ZBTB7C: variants seen among roughly 807,000 people sequenced by gnomAD.
The protein encoded by ZBTB7C is zinc finger and BTB domain-containing protein 7C.
ZBTB7C carries 8 observed loss-of-function variants against 25.7 expected under a neutral mutation model. The ratio of observed to expected loss-of-function variants is 0.31; its 90% CI spans 0.18 to 0.56. The LOEUF (loss-of-function observed/expected upper bound fraction) is 0.56. Among genes scored for constraint, ZBTB7C ranks in the 20% least tolerant of loss-of-function variants. The pLI is 0.91. For missense variants in ZBTB7C, 824 were observed against 855.2 expected (o/e 0.96, Z 0.46); for synonymous variants, 394 against 369.0 (o/e 1.07, Z -0.78).
chr18:48,321,512 G>A (rs2046091878), intron 2 of ZBTB7C, among the ~76,000 whole-genome samples: 1 of 152,156 alleles, frequency 6.6e-6, no homozygotes, highest in African/African-American at 2.4e-5. Context: ...TGATTCTAAG[G>A]CCAGAAAAGC....
intron 2 of ZBTB7C, among the ~76,000 whole-genome samples, chr18:48,293,964 G>A (rs1186805672): frequency 6.6e-6 from 1 of 152,198 alleles, no homozygotes; most frequent in Admixed American, 6.5e-5. Flanking sequence ...AAATGAACAA[G>A]CTGGAGATCA....
intron 3 of ZBTB7C, among the ~76,000 whole-genome samples, chr18:48,116,193 T>G (rs1598907682): frequency 6.6e-6 from 1 of 152,118 alleles, no homozygotes; most frequent in East Asian, 1.9e-4. Context: ...AGTGGGAGAC[T>G]CCTCACTGTG....
chr18:48,166,065 G>A (rs2041234760), intron 3 of ZBTB7C, among the ~76,000 whole-genome samples: 1 of 152,006 alleles, frequency 6.6e-6, no homozygotes, highest in Non-Finnish European at 1.5e-5. Context: ...TTAAATTGTG[G>A]TAAATGTTTA....
chr18:48,231,572 A>G (rs2043252802), intron 2 of ZBTB7C, among the ~76,000 whole-genome samples: 1 of 152,202 alleles, frequency 6.6e-6, no homozygotes, highest in African/African-American at 2.4e-5. Context: ...GTTGCTTAAC[A>G]GAGCACCTTT....
chr18:48,257,668 A>G (rs2044057988), intron 2 of ZBTB7C, among the ~76,000 whole-genome samples: 1 of 152,190 alleles, frequency 6.6e-6, no homozygotes, highest in Non-Finnish European at 1.5e-5. Flanking sequence ...AATTTCAGCA[A>G]ATAGAATTTG....
At chr18:48,328,048 G>A (rs984132084) in intron 2 of ZBTB7C, among the ~76,000 whole-genome samples, 1 of 151,892 alleles carries the variant, frequency 6.6e-6, no homozygotes, top group African/African-American at 2.4e-5. Context: ...CGGGCGTGGT[G>A]GCGGGTGCCT....
At chr18:48,058,512 C>T (rs1420759666) in intron 3 of ZBTB7C, among the ~76,000 whole-genome samples, 1 of 152,220 alleles carries the variant, frequency 6.6e-6, no homozygotes, top group Non-Finnish European at 1.5e-5. Context: ...CTGCTCACAC[C>T]TCTAGTCCCA....
intron 4 of ZBTB7C, among the ~76,000 whole-genome samples, chr18:48,038,656 A>G (rs1209972547): frequency 6.6e-6 from 1 of 151,986 alleles, no homozygotes; most frequent in East Asian, 1.9e-4. Context: ...CCACTGAGGA[A>G]AATCAAAAGA....
chr18:48,315,428 T>C (rs2045925933), intron 2 of ZBTB7C, among the ~76,000 whole-genome samples: 1 of 152,138 alleles, frequency 6.6e-6, no homozygotes, highest in Non-Finnish European at 1.5e-5. Flanking sequence ...CAGGGACTCA[T>C]GATGTCCAAG....
chr18:48,143,916 C>T (rs1427946989), intron 3 of ZBTB7C, among the ~76,000 whole-genome samples: 2 of 152,202 alleles, frequency 1.3e-5, no homozygotes, highest in Admixed American at 6.5e-5. Context: ...TCCCTCTCCC[C>T]TATTGCAGTC....
At chr18:48,207,427 A>C (rs1429803463) in intron 2 of ZBTB7C, among the ~76,000 whole-genome samples, 2 of 152,228 alleles carry the variant, frequency 1.3e-5, no homozygotes, top group African/African-American at 4.8e-5. Flanking sequence ...ATCAACAATA[A>C]AATGGGTAAA....
At chr18:48,226,020 C>A (rs1335085788) in intron 2 of ZBTB7C, among the ~76,000 whole-genome samples, 2 of 152,202 alleles carry the variant, frequency 1.3e-5, no homozygotes, top group Non-Finnish European at 1.5e-5. Context: ...GCATTACAGG[C>A]ATAAGCCACC....
At chr18:48,243,879 C>T (rs1311459621) in intron 2 of ZBTB7C, among the ~76,000 whole-genome samples, 1 of 152,166 alleles carries the variant, frequency 6.6e-6, no homozygotes, top group Non-Finnish European at 1.5e-5. Flanking sequence ...CACATACTTA[C>T]AGGCAACTGA....
At chr18:48,376,842 C>CCTCAGCCT (rs1598992734) in intron 1 of ZBTB7C, among the ~76,000 whole-genome samples, 2 of 152,368 alleles carry the variant, frequency 1.3e-5, no homozygotes. Context: ...ACACCCTCCT[C>CCTCAGCCT]CTCAGCCTCT....
At chr18:48,180,430 G>A in intron 3 of ZBTB7C, 1 of 446,746 alleles carries the variant, frequency 2.2e-6, no homozygotes, top group South Asian at 1.6e-5. Flanking sequence ...CACTCCTCTT[G>A]AAGACAAGGG....
rs557912051 is a variant in ZBTB7C at position 48,089,888 on chromosome 18, G to A, written c.-16-48765C>T. On this transcript the variant is annotated intron_variant, in intron 3 of 4. Transcript: ENST00000590800. The stretch of plus-strand genomic sequence containing the variant: ...CTGGCTATGGTTTAAAAGCCCGCTG[G>A]GTGAGGCTGCCGATCACGCAGGGTT... Among the ~76,000 whole-genome samples the A allele has an allele frequency of 2.0e-5, 3 of 152,326 alleles. No homozygotes were observed. In the East Asian group the frequency reaches 5.8e-4, roughly 29 times the overall value.
At chr18:48,190,686 C>G (rs9958202) in intron 2 of ZBTB7C, among the ~76,000 whole-genome samples, 2,195 of 152,302 alleles carry the variant, frequency 0.014, 61 homozygotes, top group African/African-American at 0.05. Flanking sequence ...GAAACAGCGA[C>G]TGTGGGCTTC....
intron 2 of ZBTB7C, among the ~76,000 whole-genome samples, chr18:48,198,291 G>A (rs893153172): frequency 4.6e-5 from 7 of 152,040 alleles, no homozygotes; most frequent in South Asian, 4.2e-4. Flanking sequence ...CAAGTGCTCC[G>A]AAGCCTGGTG....
intron 2 of ZBTB7C, among the ~76,000 whole-genome samples, chr18:48,312,610 A>G (rs545652916): frequency 6.6e-6 from 1 of 152,342 alleles, no homozygotes; most frequent in South Asian, 2.1e-4. Flanking sequence ...TCTGTGCCTC[A>G]TGTGAAGAAC....
Sources: allele counts gnomAD v4.1 joint callset (sites outside exome capture counted in the v4.1 genomes callset), GRCh38; gene constraint gnomAD v4.1.1; transcripts MANE v1.5; gene names NCBI Gene and HGNC (gene_info 2026-07-23, HGNC 2026-07-21).